Variants in PHYKPL observed in about 807,000 individuals in gnomAD.
PHYKPL encodes 5-phosphonooxy-L-lysine phospho-lyase.
Under a neutral mutation model 51.3 loss-of-function variants are expected in PHYKPL, and 42 were observed. That is an observed-to-expected ratio of 0.82 (90% CI 0.64 to 1.06). The LOEUF (loss-of-function observed/expected upper bound fraction) is 1.06. PHYKPL is among the 50% of genes least tolerant of loss of function. The pLI is 0.00. For synonymous variants in PHYKPL, 264 were observed against 236.0 expected (o/e 1.12, Z -1.09); for missense variants, 655 against 586.6 (o/e 1.12, Z -1.20).
chr5:178,211,692 G>C lies in PHYKPL; in HGVS notation c.*31+198C>G, dbSNP rs1386283583. The C allele has an allele frequency of 6.9e-6, 4 of 579,140 alleles. No homozygotes were observed. In the African/African-American group the frequency reaches 7.5e-5, roughly 11 times the overall value. The allele number at this position is 579,140 out of a possible 1,614,324, so 35.9% of individuals were successfully genotyped here. A position where few individuals can be genotyped will look rare whatever the true frequency, so the allele number is the denominator to read the frequency against. On this transcript the variant is annotated intron_variant, in intron 12 of 12. Transcript: ENST00000308158. Reference sequence around the variant, plus strand: ...ATACAGCCCCATAGGTTTCAAGGGAGGATATAGCTGTTCCTGCCATCAAGT... The same window carrying C: ...ATACAGCCCCATAGGTTTCAAGGGACGATATAGCTGTTCCTGCCATCAAGT...
chr5:178,210,656 CATGCTTTGTTTGGAT>C (rs763377195), intron 12 of PHYKPL: 1 of 1,548,738 alleles, frequency 6.5e-7, no homozygotes, highest in African/African-American at 1.4e-5. Flanking sequence ...TGATCGCACA[CATGCTTTGTTTGGAT>C]ATGGAGTGAA....
intron 9 of PHYKPL, 94 bp from the exon 10 acceptor site, chr5:178,214,979 G>A: frequency 1.7e-6 from 2 of 1,156,364 alleles, no homozygotes; most frequent in Non-Finnish European, 2.5e-6. Flanking sequence ...CCTCCTGAGG[G>A]GGCTGAGTGC....
In PHYKPL at chr5:178,209,281, T is replaced by C. The variant is rs545315011; in HGVS notation, c.*32-366A>G. On this transcript the variant is annotated intron_variant, in intron 12 of 12. Coordinates refer to ENST00000308158, the MANE Select transcript of PHYKPL (RefSeq NM_153373.4). ...GCAGTGAAGGTGTTTGGGCAGTCAC[T>C]GCCCTGAGTTTGTCCTACTGGCCTG... The C allele has an allele frequency of 4.1e-6, 6 of 1,454,688 alleles. No individual in the cohort carries two copies. In the African/African-American group the frequency reaches 8.4e-5, roughly 20 times the overall value. The allele number at this position is 1,454,688 out of a possible 1,614,324, so 90.1% of individuals were successfully genotyped here.
At chr5:178,228,372 GC>G in intron 3 of PHYKPL, 1 of 603,382 alleles carries the variant, frequency 1.7e-6, no homozygotes, top group Non-Finnish European at 2.9e-6. Flanking sequence ...GTCAATTACT[GC>G]TGGGACAGAG....
At chr5:178,231,990 C>A (rs1763553996) in intron 1 of PHYKPL, 2 of 1,207,350 alleles carry the variant, frequency 1.7e-6, no homozygotes, top group Non-Finnish European at 2.1e-6. Flanking sequence ...CAGTGGGAGG[C>A]GACCTCACCC....
intron 8 of PHYKPL, among the ~76,000 whole-genome samples, chr5:178,221,192 T>C (rs1331016293): frequency 1.3e-5 from 2 of 152,212 alleles, no homozygotes; most frequent in Admixed American, 6.5e-5. Flanking sequence ...TATCTAATTA[T>C]GTACACTTGA....
chr5:178,213,216 T>A, intron 10 of PHYKPL, 113 bp from the exon 11 acceptor site: 2 of 1,395,698 alleles, frequency 1.4e-6, no homozygotes, highest in Non-Finnish European at 1.9e-6. Context: ...ATGGGCCAGT[T>A]CCTGCCAGGT....
chr5:178,231,398 T>C lies in PHYKPL; in HGVS notation c.178+7A>G, dbSNP rs1581389836. 3 of 1,614,210 alleles carry C rather than the reference T, an allele frequency of 1.9e-6. No individual in the cohort carries two copies. Among genetic ancestry groups the C allele is most frequent in the Admixed American group, 1.7e-5 (1 of 60,022 alleles). On this transcript the variant is annotated splice_region_variant and intron_variant, in intron 2 of 12. Transcript: ENST00000308158. ...CCTGCCCTGCCAGCCTGAGGTGTGA[T>C]ACTGACCGTGCGCCACATTGCTGAT...
Position 178,225,409 on chromosome 5 carries a change from G to A in PHYKPL, c.359C>T (p.Ala120Val). 4 of 1,613,914 alleles carry A rather than the reference G, an allele frequency of 2.5e-6. No individual in the cohort carries two copies. Among genetic ancestry groups the A allele is most frequent in the Non-Finnish European group, 3.4e-6 (4 of 1,180,038 alleles). ...CGTGTAGTGGCGAGCCAGCCTCAGG[G>A]CCAGGTCATTGGCTTCTGACCTATG... ...LNSGSEANDL[A>V]LRLARHYTGH... The change falls in exon 4 of 13, where the codon GCC (alanine) becomes GTC (valine). Residue 120 changes from alanine (A) to valine (V), a missense_variant. Physicochemically the swap from Ala to Val is moderately conservative, Grantham distance 64 (BLOSUM62 0). Transcript: ENST00000308158.
chr5:178,219,807 C>G (rs1760765610), intron 8 of PHYKPL, among the ~76,000 whole-genome samples: 1 of 151,868 alleles, frequency 6.6e-6, no homozygotes, highest in Non-Finnish European at 1.5e-5. Context: ...TGAAGAGATA[C>G]TTCACGTAAT....
chr5:178,232,460 C>T, intron 1 of PHYKPL, 32 bp downstream of exon 1: 6 of 1,358,584 alleles, frequency 4.4e-6, no homozygotes, highest in South Asian at 1.7e-5. Context: ...CGCAGCCCCG[C>T]GCCCCCCGCC....
intron 6 of PHYKPL, chr5:178,223,409 C>T (rs756120679): frequency 6.6e-6 from 3 of 456,468 alleles, no homozygotes; most frequent in South Asian, 3.1e-5. Context: ...TCCACATGGC[C>T]ACCAGGGTGA....
chr5:178,210,972 T>C, intron 12 of PHYKPL: 1 of 266,936 alleles, frequency 3.7e-6, no homozygotes, highest in Non-Finnish European at 7.1e-6. Flanking sequence ...CAGTGTCACC[T>C]TTTTTTCACC....
In PHYKPL at chr5:178,224,875, C is replaced by A. The variant is rs1581329948; in HGVS notation, c.414-146G>T. The A allele has an allele frequency of 1.4e-5, 9 of 632,752 alleles. No individual in the cohort carries two copies. The East Asian group carries it at 2.5e-4, about 18-fold the overall frequency. The allele number at this position is 632,752 out of a possible 1,614,324, so 39.2% of individuals were successfully genotyped here. On this transcript the variant is annotated intron_variant, in intron 4 of 12. Transcript: ENST00000308158. Reference sequence around the variant, plus strand: ...CCCAAGTTCTTGGGCTGGGAAAGAGCACAAGCTTTGGAGTCAGCAACAATT... The same window carrying A: ...CCCAAGTTCTTGGGCTGGGAAAGAGAACAAGCTTTGGAGTCAGCAACAATT...
downstream of PHYKPL, chr5:178,207,177 C>T (rs777397806): frequency 7.4e-6 from 12 of 1,613,938 alleles, no homozygotes; most frequent in East Asian, 4.5e-5. Context: ...AAGAAGAACC[C>T]GTGAAGAAGG....
intron 6 of PHYKPL, chr5:178,223,209 TCCC>T (rs917907103): frequency 4.5e-6 from 2 of 442,236 alleles, no homozygotes; most frequent in Non-Finnish European, 8.5e-6. Flanking sequence ...TCCTTCCCTG[TCCC>T]CCATTTTTGA....
At chr5:178,226,911 CTGTG>C (rs150796640) in intron 3 of PHYKPL, among the ~76,000 whole-genome samples, 4,438 of 151,856 alleles carry the variant, frequency 0.029, 203 homozygotes, top group African/African-American at 0.094. Context: ...ATATGTGTGT[CTGTG>C]TATTTATATA....
At chr5:178,213,313 C>T (rs1381839486) in intron 10 of PHYKPL, among the ~76,000 whole-genome samples, 1 of 152,238 alleles carries the variant, frequency 6.6e-6, no homozygotes, top group African/African-American at 2.4e-5. Context: ...CCTGAGCCTG[C>T]TGCCCCACAG....
At chr5:178,210,418 T>A in intron 12 of PHYKPL, 1 of 1,534,604 alleles carries the variant, frequency 6.5e-7, no homozygotes, top group East Asian at 2.3e-5. Context: ...GCCTTAGACT[T>A]CGGGGTCTTA....
Sources: gnomAD v4.1 joint callset for allele counts (sites outside exome capture counted in the v4.1 genomes callset) on GRCh38, gnomAD v4.1.1 for gene constraint, MANE v1.5 for transcripts, NCBI Gene and HGNC (gene_info 2026-07-23, HGNC 2026-07-21) for gene names.